DICER1: variants seen among roughly 807,000 people sequenced by gnomAD.
The protein encoded by DICER1 is endoribonuclease Dicer.
DICER1 carries 43 observed loss-of-function variants against 194.1 expected under a neutral mutation model. The ratio of observed to expected loss-of-function variants is 0.22; its 90% CI spans 0.17 to 0.29. DICER1 has a LOEUF of 0.29. DICER1 is among the 10% of genes least tolerant of loss of function. DICER1 has a pLI of 1.00. For synonymous variants in DICER1, 832 were observed against 820.5 expected (o/e 1.01, Z -0.24); for missense variants, 1,608 against 2,317.0 (o/e 0.69, Z 6.28).
chr14:95,126,252 ATTTG>A (rs981229260), intron 7 of DICER1, among the ~76,000 whole-genome samples: 3 of 152,206 alleles, frequency 2.0e-5, no homozygotes, highest in African/African-American at 7.2e-5. Flanking sequence ...CTGCGGAAGA[ATTTG>A]TTTAATTCAA....
Position 95,091,300 on chromosome 14 carries a change from A to G in DICER1, c.5430T>C (p.Asp1810=), listed in dbSNP as rs2139778273. 6.2e-7 allele frequency: 1 copy of G among 1,614,128 alleles called. No individual in the cohort carries two copies. The highest frequency in any genetic ancestry group is 1.7e-5 in the Admixed American group (1 of 60,024). The change falls in exon 25 of 27, where the codon GAT becomes GAC. Residue 1810 remains aspartate (D), a synonymous_variant. Transcript: ENST00000343455. ...EDIEVPKAMG[D]IFESLAGAIY... is the part of the protein sequence containing the mutation. ...TGGCACCAGCAAGCGACTCAAAAAT[A>G]TCCCCCATGGCCTTTGGAACTTCAA...
At chr14:95,103,043 G>C (rs1051179710) in intron 21 of DICER1, among the ~76,000 whole-genome samples, 2 of 152,178 alleles carry the variant, frequency 1.3e-5, no homozygotes, top group African/African-American at 4.8e-5. Flanking sequence ...TCAGGATCAA[G>C]GGGTGTACAC....
At chr14:95,126,210 T>C (rs898407930) in intron 7 of DICER1, among the ~76,000 whole-genome samples, 2 of 152,086 alleles carry the variant, frequency 1.3e-5, no homozygotes, top group African/African-American at 4.8e-5. Context: ...TGAGAGACAA[T>C]AGGCTCATAT....
At chr14:95,156,932 G>C (rs886345529) in intron 1 of DICER1, among the ~76,000 whole-genome samples, 11 of 152,098 alleles carry the variant, frequency 7.2e-5, no homozygotes, top group African/African-American at 2.7e-4. Context: ...GTGGACAGGC[G>C]CCGGCATCCC....
At chr14:95,150,176 T>G (rs1015924526) in intron 1 of DICER1, among the ~76,000 whole-genome samples, 1 of 152,228 alleles carries the variant, frequency 6.6e-6, no homozygotes, top group African/African-American at 2.4e-5. Context: ...CAACTTAGTT[T>G]CTCATTTTAC....
In DICER1 at chr14:95,090,662, G is replaced by C; in HGVS notation, c.5605C>G (p.Pro1869Ala). The change falls in exon 27 of 27, where the codon CCG becomes GCG. Residue 1869 changes from proline to alanine, a missense_variant and splice_region_variant. Pro to Ala is a conservative substitution (Grantham distance 27, BLOSUM62 -1). Coordinates refer to ENST00000343455, the MANE Select transcript of DICER1 (RefSeq NM_177438.3). The part of the protein sequence containing the change: ...EMEPETAKFS[P>A]AERTYDGKVR... ...TTCCCGTCGTAAGTTCTCTCAGCCG[G>C]GCTGTAAAAAATCCAAACAGCTTGA... 6.2e-7 allele frequency: 1 copy of C among 1,613,972 alleles called. No homozygotes were observed. The highest frequency in any genetic ancestry group is 8.5e-7 in the Non-Finnish European group (1 of 1,179,982).
Position 95,090,414 on chromosome 14 carries a change from C to G in DICER1, c.*84G>C. On this transcript the variant is annotated 3_prime_UTR_variant, in exon 27 of 27. Coordinates refer to ENST00000343455, the MANE Select transcript of DICER1 (RefSeq NM_177438.3). ...TTCAATTCATTCCACTCACTAACAA[C>G]TTTAAGTCTTCCTTTCCGATTTAAA... The G allele has an allele frequency of 4.0e-6, 6 of 1,508,632 alleles. No individual in the cohort carries two copies. The highest frequency in any genetic ancestry group is 5.5e-6 in the Non-Finnish European group (6 of 1,087,992). 93.5% of individuals were successfully genotyped at this position (1,508,632 alleles called of 1,614,324 possible). A position where few individuals can be genotyped will look rare whatever the true frequency, so the allele number is the denominator to read the frequency against.
chr14:95,133,536 T>G (rs1254602112), intron 1 of DICER1, 33 bp from the exon 2 acceptor site: 1 of 1,455,714 alleles, frequency 6.9e-7, no homozygotes, highest in African/African-American at 1.4e-5. Flanking sequence ...CATTACACAA[T>G]CATGCAGGGT....
Position 95,105,646 on chromosome 14 carries a change from A to G in DICER1, c.3093+32T>C. On this transcript the variant is annotated intron_variant, in intron 19 of 26. Transcript: ENST00000343455. This position sits in a 1 kb window ranked among gnomAD's most constrained non-coding sequence, Gnocchi z 4.9. ...AATAATCTTTAATACTCAAACAAAT[A>G]CTAAGTTATGCTAGTACAATTAACT... 7.1e-7 allele frequency: 1 copy of G among 1,416,222 alleles called. No individual in the cohort carries two copies. Among genetic ancestry groups the G allele is most frequent in the South Asian group, 1.1e-5 (1 of 86,966 alleles). 87.7% of individuals were successfully genotyped at this position (1,416,222 alleles called of 1,614,324 possible).
rs371739796 is a variant in DICER1 at position 95,138,733 on chromosome 14, C to T, written c.-45-5230G>A. Among the ~76,000 whole-genome samples, 137 of 147,584 alleles carry T rather than the reference C, an allele frequency of 9.3e-4. 3 individuals carry two copies. The East Asian group carries it at 0.019, about 20-fold the overall frequency. On this transcript the variant is annotated intron_variant, in intron 1 of 26. Coordinates refer to ENST00000343455, the MANE Select transcript of DICER1 (RefSeq NM_177438.3). Reference sequence around the variant, plus strand: ...ATCGCAAGAACAAAAAACCAAACACCGCATATTCTCACTCATAGGTGGGAA... The same window carrying T: ...ATCGCAAGAACAAAAAACCAAACACTGCATATTCTCACTCATAGGTGGGAA...
Position 95,133,441 on chromosome 14 carries a change from C to A in DICER1, c.18G>T (p.Leu6Phe), listed in dbSNP as rs777350127. MKSPALQPLSMAGLQL... is the reference protein window; with the variant it reads MKSPAFQPLSMAGLQL... ...GCAGGCCTGCCATGCTGAGGGGTTG[C>A]AAAGCAGGGCTTTTCATTCATCCAG... The change falls in exon 2 of 27, where the codon TTG (leucine) becomes TTT (phenylalanine). Residue 6 changes from leucine to phenylalanine, a missense_variant. Coordinates refer to ENST00000343455, the MANE Select transcript of DICER1 (RefSeq NM_177438.3). The A allele has an allele frequency of 1.2e-6, 2 of 1,613,498 alleles. No homozygotes were observed. Among genetic ancestry groups the A allele is most frequent in the Admixed American group, 3.3e-5 (2 of 59,942 alleles).
intron 14 of DICER1, 39 bp from the exon 15 acceptor site, chr14:95,108,542 A>T: frequency 6.4e-7 from 1 of 1,567,866 alleles, no homozygotes; most frequent in African/African-American, 1.4e-5. Context: ...ATGCTCAAGC[A>T]TATTAGCCTC....
chr14:95,111,431 T>G lies in DICER1; in HGVS notation c.2142A>C (p.Pro714=), dbSNP rs985352222. Residue 714 remains proline (P), a synonymous_variant, in exon 14 of 27, where the codon CCA becomes CCC. Coordinates refer to ENST00000343455, the MANE Select transcript of DICER1 (RefSeq NM_177438.3). Reference sequence around the variant, plus strand: ...CATATTTAACAGTCTCTTTCCCAACTGGCATCAAATGGTCATCCAGTTCGC... The same window carrying G: ...CATATTTAACAGTCTCTTTCCCAACGGGCATCAAATGGTCATCCAGTTCGC... ...KIGELDDHLM[P]VGKETVKYEE... is the part of the protein sequence containing the mutation. The G allele has an allele frequency of 6.2e-7, 1 of 1,614,130 alleles. No individual in the cohort carries two copies. Among genetic ancestry groups the G allele is most frequent in the African/African-American group, 1.3e-5 (1 of 75,046 alleles).
Position 95,103,934 on chromosome 14 carries a change from T to G in DICER1, c.3462A>C (p.Arg1154Ser), listed in dbSNP as rs192822778. ...TACCAGGGGACTCGCTGAGCAACGTTCTGCAGTTCACAGACATTTGGTCAT... is the reference window on the plus strand; with the variant it reads ...TACCAGGGGACTCGCTGAGCAACGTGCTGCAGTTCACAGACATTTGGTCAT... The part of the protein sequence containing the change: ...ENHDQMSVNC[R>S]TLLSESPGKL... Residue 1154 changes from arginine to serine, a missense_variant, in exon 21 of 27, where the codon AGA becomes AGC. Arg to Ser is a moderately radical substitution (Grantham distance 110, BLOSUM62 -1). This residue lies in a region of DICER1 where 222 missense variants were observed against 215.5 expected (regional missense o/e 1.03). Coordinates refer to ENST00000343455, the MANE Select transcript of DICER1 (RefSeq NM_177438.3). 1.1e-5 allele frequency: 17 copies of G among 1,614,084 alleles called. No homozygotes were observed. The Admixed American group carries it at 1.5e-4, about 14-fold the overall frequency.
At chr14:95,156,919 G>C (rs905724765) in intron 1 of DICER1, among the ~76,000 whole-genome samples, 2 of 152,118 alleles carry the variant, frequency 1.3e-5, no homozygotes, top group African/African-American at 4.8e-5. Context: ...GCCAGGCCGG[G>C]GAGTGGACAG....
chr14:95,088,758 A>G lies in DICER1; in HGVS notation c.*1740T>C. ...GGGTTCCTTAGAAAGCAGAGCTGAC[A>G]GTTTTCTGTCGGTGCACTCGCACAG... On this transcript the variant is annotated 3_prime_UTR_variant, in exon 27 of 27. Transcript: ENST00000343455. 4.3e-6 allele frequency: 1 copy of G among 232,842 alleles called. No individual in the cohort carries two copies. The highest frequency in any genetic ancestry group is 8.5e-6 in the Non-Finnish European group (1 of 117,762). 14.4% of individuals were successfully genotyped at this position (232,842 alleles called of 1,614,324 possible). A position where few individuals can be genotyped will look rare whatever the true frequency, so the allele number is the denominator to read the frequency against.
intron 1 of DICER1, among the ~76,000 whole-genome samples, chr14:95,146,877 T>TA (rs1289894138): frequency 3.3e-5 from 5 of 152,108 alleles, no homozygotes; most frequent in African/African-American, 1.2e-4. Context: ...AATTATGTCT[T>TA]AGTTAAAAAC....
intron 1 of DICER1, among the ~76,000 whole-genome samples, chr14:95,142,360 CTACCTCAGACTTCATTTAATTT>C (rs1333960705): frequency 1.3e-5 from 2 of 152,120 alleles, no homozygotes; most frequent in African/African-American, 4.8e-5. Flanking sequence ...TTTTCTAAGG[CTACCTCAGACTTCATTTAATTT>C]TTAATTTCAT....
chr14:95,111,222 G>A, intron 14 of DICER1, 95 bp downstream of exon 14: 3 of 1,469,162 alleles, frequency 2.0e-6, no homozygotes, highest in Non-Finnish European at 2.9e-6. Flanking sequence ...CTGTAAGGGT[G>A]TGGGAAGCCA....
Sources: gnomAD v4.1 joint callset for allele counts (sites outside exome capture counted in the v4.1 genomes callset) on GRCh38, gnomAD v4.1.1 for gene constraint, gnomAD v4.1.1 regional missense constraint, Gnocchi (gnomAD v3.1) non-coding constraint, MANE v1.5 for transcripts, NCBI Gene and HGNC (gene_info 2026-07-23, HGNC 2026-07-21) for gene names.